Variants in DCDC2 observed in about 807,000 individuals in gnomAD.
The protein encoded by DCDC2 is doublecortin domain containing 2.
Under a neutral mutation model 50.2 loss-of-function variants are expected in DCDC2, and 40 were observed. The ratio of observed to expected loss-of-function variants is 0.80; its 90% CI spans 0.62 to 1.04. The LOEUF (loss-of-function observed/expected upper bound fraction) is 1.04, where lower values mean the gene tolerates loss of function less well. Ranked by LOEUF, DCDC2 falls within the 50% of genes least tolerant of loss-of-function variation. The pLI is 0.00. For missense variants in DCDC2, 570 were observed against 581.9 expected (o/e 0.98, Z 0.21); for synonymous variants, 234 against 210.6 (o/e 1.11, Z -0.96).
At chr6:24,365,783 T>G in the DCDC2 span, 1 of 152,110 alleles carries the variant, frequency 6.6e-6, no homozygotes, top group African/African-American at 2.4e-5. Context: ...AAAAGAATAA[T>G]AAAAAGTAAT....
At chr6:24,322,112 T>C (rs1759783543) in intron 2 of DCDC2, among the ~76,000 whole-genome samples, 1 of 152,198 alleles carries the variant, frequency 6.6e-6, no homozygotes, top group African/African-American at 2.4e-5. Flanking sequence ...GGAGAGAATT[T>C]CTGGATTGGG....
chr6:24,178,448 C>G lies in DCDC2; in HGVS notation c.1208G>C (p.Arg403Pro), dbSNP rs139858268. Reference sequence around the variant, plus strand: ...CTCCTCATCGGTGCCTCCATTTACACGAGCAGGGCGTGCCTGCTGCTCACT... The same window carrying G: ...CTCCTCATCGGTGCCTCCATTTACAGGAGCAGGGCGTGCCTGCTGCTCACT... Reference protein sequence around the residue: ...DHSEQQARPARVNGGTDEENG... With the variant: ...DHSEQQARPAPVNGGTDEENG... Residue 403 changes from arginine (R) to proline (P), a missense_variant, in exon 9 of 10, where the codon CGT becomes CCT. Arg to Pro is a moderately radical substitution (Grantham distance 103). Coordinates refer to ENST00000378454, the MANE Select transcript of DCDC2 (RefSeq NM_016356.5). 1.1e-5 allele frequency: 17 copies of G among 1,614,084 alleles called. No homozygotes were observed. The highest frequency in any genetic ancestry group is 1.4e-5 in the Non-Finnish European group (17 of 1,180,048).
chr6:24,211,060 G>T (rs1761857693), intron 7 of DCDC2, among the ~76,000 whole-genome samples: 1 of 152,092 alleles, frequency 6.6e-6, no homozygotes, highest in African/African-American at 2.4e-5. Context: ...ATAGTGCCCT[G>T]GTTTAATTCT....
chr6:24,337,797 C>CAAAAA (rs34344592), intron 2 of DCDC2, among the ~76,000 whole-genome samples: 4 of 126,634 alleles, frequency 3.2e-5, no homozygotes, highest in Non-Finnish European at 4.9e-5. Context: ...GACTCCGTCT[C>CAAAAA]AAAAAAAAAA....
chr6:24,235,268 C>T (rs1382390389), intron 7 of DCDC2, among the ~76,000 whole-genome samples: 1 of 152,164 alleles, frequency 6.6e-6, no homozygotes, highest in Non-Finnish European at 1.5e-5. Flanking sequence ...AAGACATGGA[C>T]AGATGGGCCT....
intron 2 of DCDC2, among the ~76,000 whole-genome samples, chr6:24,325,770 T>C (rs1759847849): frequency 6.7e-6 from 1 of 149,320 alleles, no homozygotes; most frequent in African/African-American, 2.4e-5. Flanking sequence ...GTTTATTCCT[T>C]AGTATAATAT....
At chr6:24,298,729 C>T (rs997597232) in intron 4 of DCDC2, among the ~76,000 whole-genome samples, 2 of 152,128 alleles carry the variant, frequency 1.3e-5, no homozygotes, top group South Asian at 2.1e-4. Flanking sequence ...TTTCACGCAA[C>T]ATGAGTGAAA....
At chr6:24,358,922 T>TATATA (rs1760559048), upstream of DCDC2, among the ~76,000 whole-genome samples, 1 of 36,418 alleles carries the variant, frequency 2.7e-5, no homozygotes, top group Non-Finnish European at 4.3e-5. Flanking sequence ...TTATATATAT[T>TATATA]ATATATTATA....
At chr6:24,187,453 CCCT>C (rs1761229530) in intron 8 of DCDC2, among the ~76,000 whole-genome samples, 1 of 152,132 alleles carries the variant, frequency 6.6e-6, no homozygotes, top group Non-Finnish European at 1.5e-5. Flanking sequence ...CTCACCTGTG[CCCT>C]CCTAATACTT....
chr6:24,289,844 G>C (rs115687961), intron 5 of DCDC2, among the ~76,000 whole-genome samples: 15 of 151,810 alleles, frequency 9.9e-5, no homozygotes, highest in African/African-American at 3.6e-4. Context: ...TTCTGCGGAC[G>C]ACAACCAAAA....
chr6:24,313,631 C>G (rs775427780), intron 2 of DCDC2, among the ~76,000 whole-genome samples: 17 of 152,190 alleles, frequency 1.1e-4, no homozygotes, highest in African/African-American at 3.6e-4. Context: ...GCGGGCAGCC[C>G]GTGTGGGCGG....
At chr6:24,294,358 A>G (rs548535275) in intron 4 of DCDC2, among the ~76,000 whole-genome samples, 1 of 152,278 alleles carries the variant, frequency 6.6e-6, no homozygotes, top group Non-Finnish European at 1.5e-5. Flanking sequence ...CTGTCTCCAA[A>G]AAAAAAGTTA....
chr6:24,199,448 CAGAA>C (rs1448386086), intron 8 of DCDC2, among the ~76,000 whole-genome samples: 1 of 152,298 alleles, frequency 6.6e-6, no homozygotes, highest in East Asian at 1.9e-4. Flanking sequence ...AACTAACAAA[CAGAA>C]AGGAATAACA....
rs139873263 is a variant in DCDC2, at chr6:24,329,672, TG to T, written c.348+23896del. Reference sequence around the variant, plus strand: ...AAGTTTTGCAACAAGAGGCCTAGCTTGCTTTGTGCCTTAGTTACATTCAATA... The same window carrying T: ...AAGTTTTGCAACAAGAGGCCTAGCTTCTTTGTGCCTTAGTTACATTCAATA... On this transcript the variant is annotated intron_variant, in intron 2 of 9. Coordinates refer to ENST00000378454, the MANE Select transcript of DCDC2 (RefSeq NM_016356.5). 3.7e-3 allele frequency among the ~76,000 whole-genome samples: 556 copies of T among 152,324 alleles called. 2 individuals are homozygous for T. The highest frequency in any genetic ancestry group is 0.013 in the African/African-American group (524 of 41,578).
intron 2 of DCDC2, among the ~76,000 whole-genome samples, chr6:24,314,160 G>A (rs1759621627): frequency 6.6e-6 from 1 of 152,132 alleles, no homozygotes; most frequent in South Asian, 2.1e-4. Flanking sequence ...AACAAAAATA[G>A]AGCTTTTAAA....
At chr6:24,326,158 GAGGAAGGA>G (rs879411551) in intron 2 of DCDC2, among the ~76,000 whole-genome samples, 2,555 of 106,008 alleles carry the variant, frequency 0.024, 74 homozygotes, top group African/African-American at 0.055. Context: ...GAAGGAAAGA[GAGGAAGGA>G]AAGGAAGGAA....
chr6:24,332,988 T>C (rs1293154383), intron 2 of DCDC2, among the ~76,000 whole-genome samples: 2 of 152,186 alleles, frequency 1.3e-5, no homozygotes, highest in East Asian at 3.8e-4. Context: ...GAGAAAGGCC[T>C]GATGTATATC....
At chr6:24,269,109 AT>A (rs1419170121) in intron 7 of DCDC2, among the ~76,000 whole-genome samples, 1 of 152,236 alleles carries the variant, frequency 6.6e-6, no homozygotes, top group Non-Finnish European at 1.5e-5. Context: ...AAGAATAAAA[AT>A]AGAGTTCATA....
At chr6:24,181,302 C>T in intron 8 of DCDC2, among the ~76,000 whole-genome samples, 1 of 152,152 alleles carries the variant, frequency 6.6e-6, no homozygotes, top group East Asian at 1.9e-4. Flanking sequence ...ACCTAAATGA[C>T]TGAAAGTGAG....
Sources: allele counts gnomAD v4.1 joint callset (sites outside exome capture counted in the v4.1 genomes callset), GRCh38; gene constraint gnomAD v4.1.1; transcripts MANE v1.5; gene names NCBI Gene and HGNC (gene_info 2026-07-23, HGNC 2026-07-21).